Variants in CHST11 observed in about 807,000 individuals in gnomAD.
CHST11 encodes the protein C4S-1.
CHST11 carries 9 observed loss-of-function variants against 30.4 expected under a neutral mutation model. That is an observed-to-expected ratio of 0.30 (90% CI 0.18 to 0.52). The LOEUF (loss-of-function observed/expected upper bound fraction) is 0.52, where lower values mean the gene tolerates loss of function less well. Among genes scored for constraint, CHST11 ranks in the 20% least tolerant of loss-of-function variants. The probability of loss-of-function intolerance (pLI) is 0.97; values close to 1 mark genes in which losing one functional copy is unlikely to be tolerated. For synonymous variants in CHST11, 152 were observed against 187.8 expected (o/e 0.81, Z 1.56); for missense variants, 348 against 460.6 (o/e 0.76, Z 2.24).
At chr12:104,745,708 T>C (rs1200614493) in intron 2 of CHST11, among the ~76,000 whole-genome samples, 5 of 152,210 alleles carry the variant, frequency 3.3e-5, no homozygotes, top group Admixed American at 3.3e-4. Context: ...CCATTGTGAA[T>C]GGGAGTTCAT....
chr12:104,525,005 T>G (rs368111818), intron 1 of CHST11, among the ~76,000 whole-genome samples: 2 of 152,152 alleles, frequency 1.3e-5, no homozygotes, highest in Non-Finnish European at 2.9e-5. Context: ...CTTGTAGTTT[T>G]AAACAGAAAA....
In CHST11 at chr12:104,457,333, G is replaced by T; in HGVS notation, c.-79G>T. On this transcript the variant is annotated 5_prime_UTR_variant, in exon 1 of 3. Coordinates refer to ENST00000303694, the MANE Select transcript of CHST11 (RefSeq NM_018413.6). ...TCTGCCCCGCGCCTCCCGGGCTCCGGTCCGCGCGGCGGGGTCCCTGCTCCT... is the reference window on the plus strand; with the variant it reads ...TCTGCCCCGCGCCTCCCGGGCTCCGTTCCGCGCGGCGGGGTCCCTGCTCCT... The T allele has an allele frequency of 9.8e-7, 1 of 1,020,860 alleles. No homozygotes were observed. The highest frequency in any genetic ancestry group is 1.6e-5 in the African/African-American group (1 of 63,058). The allele number at this position is 1,020,860 out of a possible 1,614,324, so 63.2% of individuals were successfully genotyped here. A position where few individuals can be genotyped will look rare whatever the true frequency, so the allele number is the denominator to read the frequency against.
chr12:104,491,946 CCTG>C (rs1370935256), intron 1 of CHST11, among the ~76,000 whole-genome samples: 47 of 152,166 alleles, frequency 3.1e-4, no homozygotes, highest in African/African-American at 1.1e-3. Flanking sequence ...GGATCTTCCT[CCTG>C]TCTCTAAAAC....
chr12:104,718,919 G>T (rs535061375), intron 2 of CHST11, among the ~76,000 whole-genome samples: 1 of 152,320 alleles, frequency 6.6e-6, no homozygotes, highest in African/African-American at 2.4e-5. Flanking sequence ...GTTACTGAAG[G>T]CTTGAACAGT....
At chr12:104,692,327 A>G (rs568066193) in intron 2 of CHST11, among the ~76,000 whole-genome samples, 1 of 152,336 alleles carries the variant, frequency 6.6e-6, no homozygotes, top group Admixed American at 6.5e-5. Context: ...TTGACTGCCT[A>G]CCACCTTCAA....
Position 104,581,304 on chromosome 12 carries a change from G to T in CHST11, c.119-20602G>T, listed in dbSNP as rs1462061150. 2.0e-5 allele frequency among the ~76,000 whole-genome samples: 3 copies of T among 152,260 alleles called. No individual in the cohort carries two copies. In the East Asian group the frequency reaches 5.8e-4, roughly 29 times the overall value. On this transcript the variant is annotated intron_variant, in intron 1 of 2. Transcript: ENST00000303694. ...GTGGCAGATATCTGGAAGTCTTCAT[G>T]ACATACTAATATTTGTTGAGATATT...
intron 1 of CHST11, among the ~76,000 whole-genome samples, chr12:104,469,724 C>T (rs779618101): frequency 1.3e-5 from 2 of 152,086 alleles, no homozygotes; most frequent in Non-Finnish European, 2.9e-5. Flanking sequence ...GGGCACAGAC[C>T]CATTTCCTCC....
chr12:104,557,026 A>G (rs1257784095), intron 1 of CHST11, among the ~76,000 whole-genome samples: 2 of 151,886 alleles, frequency 1.3e-5, no homozygotes, highest in Non-Finnish European at 2.9e-5. Context: ...TAAGGACACC[A>G]GTCATTGGAT....
intron 1 of CHST11, among the ~76,000 whole-genome samples, chr12:104,587,882 C>G (rs758491791): frequency 8.2e-6 from 1 of 121,682 alleles, no homozygotes; most frequent in Non-Finnish European, 1.7e-5. Flanking sequence ...CTCTGTCACC[C>G]GGGCTGGAGG....
At chr12:104,704,416 G>T (rs1259603183) in intron 2 of CHST11, among the ~76,000 whole-genome samples, 1 of 152,192 alleles carries the variant, frequency 6.6e-6, no homozygotes, top group East Asian at 1.9e-4. Flanking sequence ...AGCCCCTGCA[G>T]AGGTGAGACC....
intron 2 of CHST11, among the ~76,000 whole-genome samples, chr12:104,654,351 G>T (rs1192490842): frequency 6.6e-6 from 1 of 152,164 alleles, no homozygotes; most frequent in Non-Finnish European, 1.5e-5. Context: ...ATAAGAAGGT[G>T]TAGGGCTGAG....
intron 1 of CHST11, among the ~76,000 whole-genome samples, chr12:104,488,378 T>C (rs1270400424): frequency 6.6e-6 from 1 of 151,808 alleles, no homozygotes; most frequent in Non-Finnish European, 1.5e-5. Flanking sequence ...TATGCGTGTG[T>C]ATGTGTGTGT....
chr12:104,744,178 C>T (rs945599742), intron 2 of CHST11, among the ~76,000 whole-genome samples: 5 of 152,212 alleles, frequency 3.3e-5, no homozygotes, highest in Non-Finnish European at 7.3e-5. Flanking sequence ...GAGGAATTGA[C>T]ACACTGTCTT....
At chr12:104,622,704 C>T (rs1352479050) in intron 2 of CHST11, among the ~76,000 whole-genome samples, 1 of 152,202 alleles carries the variant, frequency 6.6e-6, no homozygotes, top group Non-Finnish European at 1.5e-5. Flanking sequence ...GTTACTTAAC[C>T]TCACTGTGCC....
intron 2 of CHST11, among the ~76,000 whole-genome samples, chr12:104,670,023 C>T (rs943774117): frequency 3.3e-5 from 5 of 152,258 alleles, no homozygotes; most frequent in Non-Finnish European, 7.3e-5. Flanking sequence ...AATCTAAGTT[C>T]CCTTTTCCCC....
chr12:104,756,346 G>A (rs1012579440), intron 2 of CHST11, among the ~76,000 whole-genome samples: 1 of 152,056 alleles, frequency 6.6e-6, no homozygotes, highest in Admixed American at 6.5e-5. Context: ...AATGGCCTTT[G>A]GGGAGAAACT....
At chr12:104,484,512 C>T (rs2037657669) in intron 1 of CHST11, among the ~76,000 whole-genome samples, 1 of 152,186 alleles carries the variant, frequency 6.6e-6, no homozygotes, top group Non-Finnish European at 1.5e-5. Context: ...GCAGACCTGG[C>T]AAACTTACAA....
intron 1 of CHST11, among the ~76,000 whole-genome samples, chr12:104,557,254 T>A (rs1311482019): frequency 6.6e-6 from 1 of 152,194 alleles, no homozygotes; most frequent in Non-Finnish European, 1.5e-5. Flanking sequence ...TGAACTCACT[T>A]CTGCCTCTTT....
intron 1 of CHST11, among the ~76,000 whole-genome samples, chr12:104,594,993 G>C (rs2038894004): frequency 6.6e-6 from 1 of 151,982 alleles, no homozygotes; most frequent in Admixed American, 6.6e-5. Flanking sequence ...GAGAGTGTTG[G>C]CAGTGCTGAA....
Sources: allele counts gnomAD v4.1 joint callset (sites outside exome capture counted in the v4.1 genomes callset), GRCh38; gene constraint gnomAD v4.1.1; transcripts MANE v1.5; gene names NCBI Gene and HGNC (gene_info 2026-07-23, HGNC 2026-07-21).